WIPF3: variants seen among roughly 807,000 people sequenced by gnomAD.
WIPF3 encodes WAS/WASL interacting protein family member 3.
In WIPF3, 33 loss-of-function variants were observed where a neutral mutation model predicts 38.9. The ratio of observed to expected loss-of-function variants is 0.85; its 90% CI spans 0.64 to 1.14. The LOEUF (loss-of-function observed/expected upper bound fraction) is 1.14, where lower values mean the gene tolerates loss of function less well. Ranked by LOEUF, WIPF3 falls within the 50% of genes most tolerant of loss-of-function variation. The pLI, the probability that WIPF3 is intolerant of heterozygous loss-of-function variation, is 0.00. For synonymous variants in WIPF3, 324 were observed against 269.3 expected, an observed-to-expected ratio of 1.20 and a Z score of -1.99; for missense variants, 711 against 652.5, an observed-to-expected ratio of 1.09 and a Z score of -0.98.
chr7:29,886,442 C>T lies in WIPF3; in HGVS notation c.1100-1626C>T, dbSNP rs1004512461. On this transcript the variant is annotated intron_variant, in intron 5 of 8. Transcript: ENST00000242140. ...CAGGATCTCAGCTCACTGCAACCTTCGCCTCCCAGGTTCAAGTGATTCTTG... is the reference window on the plus strand; with the variant it reads ...CAGGATCTCAGCTCACTGCAACCTTTGCCTCCCAGGTTCAAGTGATTCTTG... Among the ~76,000 whole-genome samples the T allele has an allele frequency of 1.1e-4, 16 of 145,838 alleles. No homozygotes were observed. In the South Asian group the frequency reaches 1.7e-3, roughly 16 times the overall value.
At chr7:29,832,658 C>T (rs1193923366) in intron 1 of WIPF3, among the ~76,000 whole-genome samples, 1 of 152,170 alleles carries the variant, frequency 6.6e-6, no homozygotes, top group Non-Finnish European at 1.5e-5. Context: ...GTACAACAAT[C>T]AGCTTATGCA....
At chr7:29,818,025 T>G (rs1054036679) in intron 1 of WIPF3, among the ~76,000 whole-genome samples, 1 of 152,218 alleles carries the variant, frequency 6.6e-6, no homozygotes. Context: ...TTAGGTATAC[T>G]TTTTTAAAGT....
rs1379282451 is a variant in WIPF3, at chr7:29,884,535, C to G, written c.1041C>G (p.Ala347=). The G allele has an allele frequency of 6.3e-7, 1 of 1,597,192 alleles. No individual in the cohort carries two copies. Among genetic ancestry groups the G allele is most frequent in the Admixed American group, 1.7e-5 (1 of 58,054 alleles). ...PQKAGAQALP[A]PPAPPGSQPF... is the part of the protein sequence containing the mutation. ...AGGCCGGTGCGCAGGCCTTGCCCGC[C>G]CCGCCTGCCCCTCCGGGCTCCCAGC... The change falls in exon 5 of 9, where the codon GCC becomes GCG. Residue 347 remains alanine, a synonymous_variant. Coordinates refer to ENST00000242140, the MANE Select transcript of WIPF3 (RefSeq NM_001080529.3).
intron 1 of WIPF3, among the ~76,000 whole-genome samples, chr7:29,828,507 A>T (rs1239672903): frequency 6.6e-6 from 1 of 152,158 alleles, no homozygotes; most frequent in Non-Finnish European, 1.5e-5. Context: ...ACTGGCTTTT[A>T]AAAATGCTTT....
intron 2 of WIPF3, among the ~76,000 whole-genome samples, chr7:29,853,337 G>A (rs1291770168): frequency 1.3e-5 from 2 of 152,240 alleles, no homozygotes; most frequent in Non-Finnish European, 2.9e-5. Context: ...CTCTGGAATA[G>A]GCTGAGCAGG....
chr7:29,831,304 T>C (rs1784716943), intron 1 of WIPF3, among the ~76,000 whole-genome samples: 3 of 152,198 alleles, frequency 2.0e-5, no homozygotes, highest in Admixed American at 2.0e-4. Flanking sequence ...TGGCCATGGG[T>C]TGTCTTGTTC....
At chr7:29,842,754 TAAAAA>T (rs757248971) in intron 2 of WIPF3, among the ~76,000 whole-genome samples, 2 of 151,370 alleles carry the variant, frequency 1.3e-5, no homozygotes, top group Non-Finnish European at 2.9e-5. Flanking sequence ...TTGCTGTTGT[TAAAAA>T]AAAATGCAGG....
intron 1 of WIPF3, among the ~76,000 whole-genome samples, chr7:29,818,757 G>T (rs759304924): frequency 2.0e-5 from 3 of 151,962 alleles, no homozygotes; most frequent in Admixed American, 1.3e-4. Context: ...AGTGACAATA[G>T]TGGACATGCT....
At chr7:29,862,169 A>G (rs1187005458) in intron 2 of WIPF3, among the ~76,000 whole-genome samples, 1 of 152,112 alleles carries the variant, frequency 6.6e-6, no homozygotes, top group Non-Finnish European at 1.5e-5. Flanking sequence ...GAACACATCC[A>G]TTTAGATTCC....
intron 2 of WIPF3, among the ~76,000 whole-genome samples, chr7:29,857,051 T>A (rs1357692653): frequency 2.0e-5 from 3 of 152,162 alleles, no homozygotes; most frequent in African/African-American, 7.2e-5. Flanking sequence ...TAGCAAAGAA[T>A]GTAGGCTGAG....
intron 2 of WIPF3, among the ~76,000 whole-genome samples, chr7:29,853,488 C>A (rs1785138421): frequency 1.3e-5 from 2 of 152,222 alleles, no homozygotes; most frequent in South Asian, 4.1e-4. Context: ...TCCCCTCCAC[C>A]ACAGTGCATC....
chr7:29,814,233 T>C (rs1784423871), intron 1 of WIPF3, among the ~76,000 whole-genome samples: 2 of 152,238 alleles, frequency 1.3e-5, no homozygotes, highest in Non-Finnish European at 2.9e-5. Context: ...ATATTGGAAC[T>C]TATTTTGTGT....
At chr7:29,907,322 A>G (rs1246341857) in intron 8 of WIPF3, among the ~76,000 whole-genome samples, 1 of 152,228 alleles carries the variant, frequency 6.6e-6, no homozygotes, top group East Asian at 1.9e-4. Flanking sequence ...TGGGGCACAC[A>G]GTATATAAAG....
At position 29,886,501 on chromosome 7, in the gene WIPF3, C is replaced by T. The variant is rs560763834; in HGVS notation, c.1100-1567C>T. 2.3e-3 allele frequency among the ~76,000 whole-genome samples: 357 copies of T among 151,988 alleles called. 1 individual carries two copies. The highest frequency in any genetic ancestry group is 4.3e-3 in the Non-Finnish European group (294 of 67,970). ...CCTTCCGAGTAGCTGAGGTTACAGG[C>T]GTGCACCACCACACCTGGCTAATTT... is the stretch of plus-strand genomic sequence containing the variant. On this transcript the variant is annotated intron_variant, in intron 5 of 8. Transcript: ENST00000242140.
chr7:29,898,774 CTT>C (rs1786212015), intron 7 of WIPF3, among the ~76,000 whole-genome samples: 1 of 152,144 alleles, frequency 6.6e-6, no homozygotes, highest in African/African-American at 2.4e-5. Flanking sequence ...TCTTTTCTCT[CTT>C]TATTTGATCA....
intron 5 of WIPF3, among the ~76,000 whole-genome samples, chr7:29,886,507 CCACCA>C (rs2128076625): frequency 6.6e-6 from 1 of 152,078 alleles, no homozygotes; most frequent in East Asian, 1.9e-4. Context: ...CAGGCGTGCA[CCACCA>C]CACCTGGCTA....
intron 7 of WIPF3, among the ~76,000 whole-genome samples, chr7:29,898,036 C>T (rs1360840434): frequency 1.3e-5 from 2 of 152,196 alleles, no homozygotes; most frequent in Non-Finnish European, 2.9e-5. Context: ...ACCCCCTGTT[C>T]TCTCTGGAGC....
chr7:29,864,364 G>A (rs1785350671), intron 2 of WIPF3, among the ~76,000 whole-genome samples: 1 of 152,098 alleles, frequency 6.6e-6, no homozygotes, highest in Admixed American at 6.5e-5. Flanking sequence ...TGTATTCTCA[G>A]AATAAACCCC....
chr7:29,868,113 T>G (rs1322273843), intron 2 of WIPF3, among the ~76,000 whole-genome samples: 1 of 152,016 alleles, frequency 6.6e-6, no homozygotes, highest in Non-Finnish European at 1.5e-5. Flanking sequence ...CAAGGAAAAG[T>G]TTAGTTGAGA....
Sources: allele counts gnomAD v4.1 joint callset (sites outside exome capture counted in the v4.1 genomes callset), GRCh38; gene constraint gnomAD v4.1.1; transcripts MANE v1.5; gene names NCBI Gene and HGNC (gene_info 2026-07-23, HGNC 2026-07-21).